The following ZBTB40 variants were observed in gnomAD, a reference collection of about 807,000 sequenced individuals.
The protein encoded by ZBTB40 is zinc finger and BTB domain containing 40.
A neutral mutation model predicts 117.5 loss-of-function variants in ZBTB40; 60 were observed. That is an observed-to-expected ratio of 0.51 (90% CI 0.41 to 0.63). The LOEUF (loss-of-function observed/expected upper bound fraction) is 0.63, where lower values mean the gene tolerates loss of function less well. Ranked by LOEUF, ZBTB40 falls within the 30% of genes least tolerant of loss-of-function variation. The pLI, the probability that ZBTB40 is intolerant of heterozygous loss-of-function variation, is 0.00. For missense variants in ZBTB40, 1,287 were observed against 1,498.5 expected (o/e 0.86, Z 2.33); for synonymous variants, 525 against 577.1 (o/e 0.91, Z 1.29).
In ZBTB40 at chr1:22,527,119, C is replaced by T. The variant is rs1639700238; in HGVS notation, c.*723C>T. 1 of 153,298 alleles carries T rather than the reference C, an allele frequency of 6.5e-6. No homozygotes were observed. Among genetic ancestry groups the T allele is most frequent in the Non-Finnish European group, 1.5e-5 (1 of 68,776 alleles). 9.5% of individuals were successfully genotyped at this position (153,298 alleles called of 1,614,324 possible). A position where few individuals can be genotyped will look rare whatever the true frequency, so the allele number is the denominator to read the frequency against. ...TGAGGCATCAGCTGCTAGACAGTGTCTGCCTTTCCAGGACATTCTTCTTGG... is the reference window on the plus strand; with the variant it reads ...TGAGGCATCAGCTGCTAGACAGTGTTTGCCTTTCCAGGACATTCTTCTTGG... On this transcript the variant is annotated 3_prime_UTR_variant, in exon 18 of 18. Coordinates refer to ENST00000375647, the MANE Select transcript of ZBTB40 (RefSeq NM_014870.4).
chr1:22,457,935 T>C (rs550712282), intron 1 of ZBTB40, among the ~76,000 whole-genome samples: 3 of 152,352 alleles, frequency 2.0e-5, no homozygotes, highest in African/African-American at 7.2e-5. Context: ...TCCAGGGCAT[T>C]GGCAGCAGTG....
At chr1:22,485,782 G>T (rs540630896) in intron 1 of ZBTB40, among the ~76,000 whole-genome samples, 1 of 151,750 alleles carries the variant, frequency 6.6e-6, no homozygotes, top group African/African-American at 2.4e-5. Flanking sequence ...GGATTGTTAC[G>T]TCTTCAAGCT....
In ZBTB40 at chr1:22,521,640, A is replaced by G; in HGVS notation, c.3193A>G (p.Ile1065Val). 1 of 1,614,260 alleles carries G rather than the reference A, an allele frequency of 6.2e-7. No homozygotes were observed. The highest frequency in any genetic ancestry group is 8.5e-7 in the Non-Finnish European group (1 of 1,180,050). The stretch of plus-strand genomic sequence containing the variant: ...CAACACCATTGAGCACAAGAAGCAC[A>G]TCAAAGCAGAACATGCAGGTGGAGT... ...FPNTIEHKKHIKAEHADMKFH... is the reference protein window; with the variant it reads ...FPNTIEHKKHVKAEHADMKFH... The change falls in exon 15 of 18, where the codon ATC becomes GTC. Residue 1065 changes from isoleucine to valine, a missense_variant. Coordinates refer to ENST00000375647, the MANE Select transcript of ZBTB40 (RefSeq NM_014870.4).
intron 1 of ZBTB40, among the ~76,000 whole-genome samples, chr1:22,430,091 A>G (rs533528863): frequency 1.3e-5 from 2 of 152,360 alleles, no homozygotes; most frequent in South Asian, 4.1e-4. Flanking sequence ...ATAATCACTA[A>G]TAAGTGTTTT....
intron 1 of ZBTB40, among the ~76,000 whole-genome samples, chr1:22,463,800 AC>A (rs1440169102): frequency 6.6e-6 from 1 of 152,256 alleles, no homozygotes; most frequent in African/African-American, 2.4e-5. Flanking sequence ...GCAGTTTGTT[AC>A]GCTGAACATT....
upstream of ZBTB40, among the ~76,000 whole-genome samples, chr1:22,449,376 G>C (rs931713163): frequency 6.6e-6 from 1 of 152,228 alleles, no homozygotes; most frequent in Non-Finnish European, 1.5e-5. Context: ...GCTCTGTGGG[G>C]AGATGAGGCC....
intron 1 of ZBTB40, among the ~76,000 whole-genome samples, chr1:22,430,638 A>ATTT (rs112026539): frequency 1.4e-5 from 2 of 144,470 alleles, no homozygotes; most frequent in African/African-American, 2.5e-5. Context: ...CACCCGACTA[A>ATTT]TTTTTTTTTT....
At chr1:22,507,870 G>A (rs1639113925) in intron 6 of ZBTB40, 131 bp from the exon 7 acceptor site, 1 of 1,360,820 alleles carries the variant, frequency 7.3e-7, no homozygotes, top group African/African-American at 1.4e-5. Context: ...GAGGCCCCAA[G>A]CCAGGGCTCT....
intron 1 of ZBTB40, among the ~76,000 whole-genome samples, chr1:22,463,318 T>C (rs1641173679): frequency 6.6e-6 from 1 of 152,186 alleles, no homozygotes; most frequent in Non-Finnish European, 1.5e-5. Context: ...TTACATTAGA[T>C]GGGTATCTGT....
chr1:22,521,080 C>T (rs528907376), intron 14 of ZBTB40, among the ~76,000 whole-genome samples: 2 of 152,342 alleles, frequency 1.3e-5, no homozygotes, highest in South Asian at 2.1e-4. Flanking sequence ...CCTGGGAAGC[C>T]GTGAGATGCA....
At chr1:22,457,645 T>C (rs552888016) in intron 1 of ZBTB40, among the ~76,000 whole-genome samples, 1 of 152,342 alleles carries the variant, frequency 6.6e-6, no homozygotes, top group East Asian at 1.9e-4. Flanking sequence ...GGATTATAAC[T>C]GTAAATAATA....
At chr1:22,501,796 C>T (rs1638945298) in intron 4 of ZBTB40, 112 bp downstream of exon 4, 2 of 1,209,238 alleles carry the variant, frequency 1.7e-6, no homozygotes, top group Non-Finnish European at 2.4e-6. Context: ...GTGGTTTTCA[C>T]ATAAGTTTCA....
chr1:22,449,482 G>A (rs1002376025), upstream of ZBTB40, among the ~76,000 whole-genome samples: 7 of 152,094 alleles, frequency 4.6e-5, no homozygotes, highest in African/African-American at 7.2e-5. Flanking sequence ...ACAGTATGTC[G>A]TTGTTCATGA....
chr1:22,490,353 G>C lies in ZBTB40; in HGVS notation c.405G>C (p.Glu135Asp). 3.7e-6 allele frequency: 6 copies of C among 1,614,134 alleles called. No individual in the cohort carries two copies. Among genetic ancestry groups the C allele is most frequent in the Non-Finnish European group, 5.1e-6 (6 of 1,180,016 alleles). Residue 135 changes from glutamate to aspartate, a missense_variant, in exon 2 of 18, where the codon GAG becomes GAC. Physicochemically the swap from Glu to Asp is conservative, Grantham distance 45. Coordinates refer to ENST00000375647, the MANE Select transcript of ZBTB40 (RefSeq NM_014870.4). The stretch of plus-strand genomic sequence containing the variant: ...GGGATGTCTCTGCGCCATCCTCAGA[G>C]ACATTCAGAAAGGAACCAGAGAAGC... The part of the protein sequence containing the change: ...VVRDVSAPSS[E>D]TFRKEPEKPQ...
chr1:22,454,549 AAG>A (rs1185605584), intron 1 of ZBTB40, among the ~76,000 whole-genome samples: 2 of 152,224 alleles, frequency 1.3e-5, no homozygotes, highest in African/African-American at 2.4e-5. Flanking sequence ...CCAGTCTAGC[AAG>A]AAGGGGAAAG....
At chr1:22,476,656 G>A (rs1421822922) in intron 1 of ZBTB40, among the ~76,000 whole-genome samples, 4 of 152,134 alleles carry the variant, frequency 2.6e-5, no homozygotes, top group Admixed American at 2.0e-4. Context: ...GTCATTATGC[G>A]GCACTTGGTT....
chr1:22,506,373 C>T (rs968000174), intron 6 of ZBTB40, 132 bp downstream of exon 6: 17 of 920,360 alleles, frequency 1.8e-5, no homozygotes, highest in Admixed American at 1.1e-4. Context: ...AGAAACTAGC[C>T]GTCATAAATC....
rs147742582 is a variant in ZBTB40 at position 22,520,348 on chromosome 1, C to T, written c.3048+73C>T. The T allele has an allele frequency of 1.4e-4, 185 of 1,292,922 alleles. 3 individuals are homozygous for T. Among genetic ancestry groups the T allele is most frequent in the South Asian group, 8.9e-4 (73 of 82,470 alleles). The allele number at this position is 1,292,922 out of a possible 1,614,324, so 80.1% of individuals were successfully genotyped here. On this transcript the variant is annotated intron_variant, in intron 14 of 17. Transcript: ENST00000375647. ...TCTCCATTTGATCTTCCCTGATGCC[C>T]GGGTTGGTGGCTTGCAGATCATATC...
At chr1:22,523,695 A>G (rs1242276364) in intron 16 of ZBTB40, among the ~76,000 whole-genome samples, 1 of 152,186 alleles carries the variant, frequency 6.6e-6, no homozygotes, top group Non-Finnish European at 1.5e-5. Flanking sequence ...TCCATGAGTT[A>G]AAAACGTGCA....
Sources: gnomAD v4.1 joint callset for allele counts (sites outside exome capture counted in the v4.1 genomes callset) on GRCh38, gnomAD v4.1.1 for gene constraint, MANE v1.5 for transcripts, NCBI Gene and HGNC (gene_info 2026-07-23, HGNC 2026-07-21) for gene names.